The following RFX7 variants were observed in gnomAD, a reference collection of about 807,000 sequenced individuals.
RFX7 encodes the protein DNA-binding protein RFX7.
A neutral mutation model predicts 111.8 loss-of-function variants in RFX7; 26 were observed. The ratio of observed to expected loss-of-function variants is 0.23; its 90% CI spans 0.17 to 0.32. The LOEUF (loss-of-function observed/expected upper bound fraction) is 0.32. Among genes scored for constraint, RFX7 ranks in the 10% least tolerant of loss-of-function variants. The pLI, the probability that RFX7 is intolerant of heterozygous loss-of-function variation, is 1.00. For synonymous variants in RFX7, 624 were observed against 624.4 expected, an observed-to-expected ratio of 1.00 and a Z score of 0.01; for missense variants, 1,573 against 1,772.9, an observed-to-expected ratio of 0.89 and a Z score of 2.02.
rs1348945378 is a variant in RFX7, at chr15:56,243,855, C to G, written c.-413G>C. On this transcript the variant is annotated 5_prime_UTR_variant, in exon 1 of 10. Transcript: ENST00000559447. ...GCGGCCGCCGCTGCCCTGCCAGCCC[C>G]GGAGGCAGCCCAGTGCGCGCAGCCG... Among the ~76,000 whole-genome samples the G allele has an allele frequency of 2.0e-5, 3 of 147,302 alleles. No homozygotes were observed. The highest frequency in any genetic ancestry group is 7.3e-5 in the African/African-American group (3 of 40,874).
intron 5 of RFX7, among the ~76,000 whole-genome samples, chr15:56,132,458 T>G: frequency 6.6e-6 from 1 of 152,064 alleles, no homozygotes; most frequent in East Asian, 1.9e-4. Flanking sequence ...ACAGAAAAAT[T>G]ATTCAATAAA....
At chr15:56,203,789 A>C (rs1278159238) in intron 2 of RFX7, among the ~76,000 whole-genome samples, 3 of 152,338 alleles carry the variant, frequency 2.0e-5, no homozygotes, top group Admixed American at 6.5e-5. Flanking sequence ...AAAGGGAAGC[A>C]TGAATAATCC....
At chr15:56,106,630 G>A (rs1337469158) in intron 5 of RFX7, among the ~76,000 whole-genome samples, 3 of 152,082 alleles carry the variant, frequency 2.0e-5, no homozygotes, top group Non-Finnish European at 1.5e-5. Context: ...TTGATGGGGA[G>A]GACTCTTTAT....
intron 5 of RFX7, among the ~76,000 whole-genome samples, chr15:56,132,670 CAA>C (rs2042234567): frequency 6.6e-6 from 1 of 151,952 alleles, no homozygotes; most frequent in Non-Finnish European, 1.5e-5. Context: ...CAAGCTGTGA[CAA>C]AAGTGTACAG....
At chr15:56,183,661 T>G (rs1002610798) in intron 2 of RFX7, among the ~76,000 whole-genome samples, 29 of 152,176 alleles carry the variant, frequency 1.9e-4, no homozygotes, top group Non-Finnish European at 4.1e-4. Flanking sequence ...ACCCCCCTTG[T>G]TCATTTCCAA....
In RFX7 at chr15:56,144,829, A is replaced by T. The variant is rs1335522158; in HGVS notation, c.196-346T>A. On this transcript the variant is annotated intron_variant, in intron 3 of 9. Transcript: ENST00000559447. Reference sequence around the variant, plus strand: ...CAAGTACTGGACCAGGAATCAAGAGAAACAGTTATTAGTTAACTAACCGTT... The same window carrying T: ...CAAGTACTGGACCAGGAATCAAGAGTAACAGTTATTAGTTAACTAACCGTT... Among the ~76,000 whole-genome samples the T allele has an allele frequency of 2.6e-5, 4 of 152,274 alleles. No individual in the cohort carries two copies. In the East Asian group the frequency reaches 7.7e-4, roughly 29 times the overall value.
At chr15:56,184,472 T>C (rs2043015662) in intron 2 of RFX7, among the ~76,000 whole-genome samples, 1 of 152,176 alleles carries the variant, frequency 6.6e-6, no homozygotes, top group African/African-American at 2.4e-5. Flanking sequence ...ATCTCCAATA[T>C]AATAAAGAGT....
chr15:56,182,614 CTACAATT>C (rs1283393767), intron 2 of RFX7, among the ~76,000 whole-genome samples: 2 of 152,136 alleles, frequency 1.3e-5, no homozygotes, highest in African/African-American at 4.8e-5. Flanking sequence ...CTGTACTTTT[CTACAATT>C]TTTTAATTCA....
chr15:56,141,678 C>CATATATATATATATAT (rs1567024637), intron 5 of RFX7, among the ~76,000 whole-genome samples: 35 of 52,456 alleles, frequency 6.7e-4, no homozygotes, highest in African/African-American at 1.8e-3. Flanking sequence ...TATATATATG[C>CATATATATATATATAT]ATATATGCTG....
intron 8 of RFX7, 125 bp from the exon 9 acceptor site, chr15:56,098,501 C>T (rs2041712099): frequency 2.3e-6 from 2 of 888,694 alleles, no homozygotes; most frequent in Non-Finnish European, 1.7e-6. Flanking sequence ...AATTTTAACT[C>T]ACAATTTCTT....
At chr15:56,107,372 T>C (rs1595928453) in intron 5 of RFX7, among the ~76,000 whole-genome samples, 2 of 150,314 alleles carry the variant, frequency 1.3e-5, no homozygotes, top group Admixed American at 6.6e-5. Flanking sequence ...TAAAAGTACA[T>C]TTTTAAGCCT....
At position 56,092,426 on chromosome 15, in the gene RFX7, T is replaced by A. The variant is rs1015508669; in HGVS notation, c.*919A>T. On this transcript the variant is annotated 3_prime_UTR_variant, in exon 10 of 10. Coordinates refer to ENST00000559447, the MANE Select transcript of RFX7 (RefSeq NM_022841.7). Reference sequence around the variant, plus strand: ...TTGTGGAATATTTTAATGAAAAATTTCAAAGTAAATCTCAGTTAGAATCTC... The same window carrying A: ...TTGTGGAATATTTTAATGAAAAATTACAAAGTAAATCTCAGTTAGAATCTC... 4 of 152,220 alleles carry A rather than the reference T, an allele frequency of 2.6e-5. No individual in the cohort carries two copies. The allele number at this position is 152,220 out of a possible 1,614,324, so 9.4% of individuals were successfully genotyped here. A position where few individuals can be genotyped will look rare whatever the true frequency, so the allele number is the denominator to read the frequency against.
At chr15:56,148,219 G>T (rs1386406069) in intron 3 of RFX7, among the ~76,000 whole-genome samples, 1 of 152,104 alleles carries the variant, frequency 6.6e-6, no homozygotes, top group Non-Finnish European at 1.5e-5. Context: ...ACACATTCCA[G>T]GAAACAATTT....
chr15:56,170,359 A>G (rs1015614589), intron 3 of RFX7, among the ~76,000 whole-genome samples: 2 of 152,190 alleles, frequency 1.3e-5, no homozygotes, highest in Non-Finnish European at 2.9e-5. Context: ...ACGTGTTACG[A>G]ACAAAGAAGG....
intron 2 of RFX7, among the ~76,000 whole-genome samples, chr15:56,205,438 C>G (rs1237751463): frequency 6.6e-6 from 1 of 152,190 alleles, no homozygotes; most frequent in African/African-American, 2.4e-5. Flanking sequence ...ATCTCAAATA[C>G]TAACCTTCTT....
intron 3 of RFX7, among the ~76,000 whole-genome samples, chr15:56,159,083 G>C (rs933132521): frequency 6.6e-6 from 1 of 152,090 alleles, no homozygotes; most frequent in African/African-American, 2.4e-5. Context: ...ATATAAGTGA[G>C]ATCATGCATT....
Position 56,098,158 on chromosome 15 carries a change from G to T in RFX7, c.1030C>A (p.Leu344Ile). 1 of 1,613,924 alleles carries T rather than the reference G, an allele frequency of 6.2e-7. No individual in the cohort carries two copies. Among genetic ancestry groups the T allele is most frequent in the South Asian group, 1.1e-5 (1 of 91,082 alleles). ...AGGATTGAAGGATTTCCATTAGGAA[G>T]ATTAGTCACTCCATTGCTTGTAGCA... ...ESATSNGVTN[L>I]PNGNPSILSP... The change falls in exon 9 of 10, where the codon CTT becomes ATT. Residue 344 changes from leucine (L) to isoleucine (I), a missense_variant. By Grantham distance (5) the Leu-to-Ile change is conservative. Around this residue, in one of 7 missense-constraint regions of RFX7, gnomAD observed 288 missense variants for 337.9 expected, o/e 0.85. Coordinates refer to ENST00000559447, the MANE Select transcript of RFX7 (RefSeq NM_022841.7).
intron 5 of RFX7, among the ~76,000 whole-genome samples, chr15:56,116,446 G>A (rs1261986160): frequency 6.6e-6 from 1 of 152,158 alleles, no homozygotes. Context: ...ACAGTGATCA[G>A]CCCTCAATTT....
At chr15:56,174,045 A>G (rs1314721628) in intron 3 of RFX7, among the ~76,000 whole-genome samples, 1 of 152,060 alleles carries the variant, frequency 6.6e-6, no homozygotes, top group Non-Finnish European at 1.5e-5. Context: ...TGGGAGGCTG[A>G]GGTGGGTGCA....
Sources: allele counts gnomAD v4.1 joint callset (sites outside exome capture counted in the v4.1 genomes callset), GRCh38; gene constraint gnomAD v4.1.1; regional missense constraint gnomAD v4.1.1; transcripts MANE v1.5; gene names NCBI Gene and HGNC (gene_info 2026-07-23, HGNC 2026-07-21).